Variants in MCM6 observed in about 807,000 individuals in gnomAD.
MCM6 encodes the protein DNA replication licensing factor MCM6.
In MCM6, 46 loss-of-function variants were observed where a neutral mutation model predicts 94.3. That is an observed-to-expected ratio of 0.49 (90% CI 0.39 to 0.62). MCM6 has a LOEUF of 0.62. Ranked by LOEUF, MCM6 falls within the 20% of genes least tolerant of loss-of-function variation. The pLI, the probability that MCM6 is intolerant of heterozygous loss-of-function variation, is 0.00. For synonymous variants in MCM6, 335 were observed against 351.9 expected (o/e 0.95, Z 0.54); for missense variants, 865 against 1,017.9 (o/e 0.85, Z 2.04).
chr2:135,866,013 G>C, intron 6 of MCM6, 119 bp downstream of exon 6: 1 of 1,130,050 alleles, frequency 8.8e-7, no homozygotes, highest in Non-Finnish European at 1.2e-6. Flanking sequence ...GAGATGGTAG[G>C]ATCACTTGAG....
At chr2:135,856,906 T>C (rs757926069) in intron 10 of MCM6, 23 bp from the exon 11 acceptor site, 1 of 1,599,622 alleles carries the variant, frequency 6.3e-7, no homozygotes, top group East Asian at 2.2e-5. Context: ...GAAAGAATCT[T>C]AACAGATTTA....
chr2:135,844,706 A>C (rs916882255), intron 15 of MCM6, 22 bp from the exon 16 acceptor site: 1 of 1,522,936 alleles, frequency 6.6e-7, no homozygotes, highest in Non-Finnish European at 8.8e-7. Flanking sequence ...AAACACATTC[A>C]AATTATCCTA....
At chr2:135,875,029 G>A (rs1426820882) in intron 1 of MCM6, among the ~76,000 whole-genome samples, 3 of 152,160 alleles carry the variant, frequency 2.0e-5, no homozygotes, top group Admixed American at 6.5e-5. Flanking sequence ...AGAGGGTAAC[G>A]GAGGAGAGTT....
intron 11 of MCM6, among the ~76,000 whole-genome samples, chr2:135,855,173 A>C (rs1174450544): frequency 6.6e-6 from 1 of 152,180 alleles, no homozygotes; most frequent in African/African-American, 2.4e-5. Context: ...AACAAAACTA[A>C]AGAAAACAGT....
At chr2:135,865,804 A>G (rs1680084303) in intron 6 of MCM6, among the ~76,000 whole-genome samples, 1 of 152,198 alleles carries the variant, frequency 6.6e-6, no homozygotes, top group South Asian at 2.1e-4. Context: ...CGTGCTCTCA[A>G]CATTGATGAG....
chr2:135,874,268 T>C (rs4988147), intron 1 of MCM6, among the ~76,000 whole-genome samples: 270 of 152,290 alleles, frequency 1.8e-3, no homozygotes, highest in Middle Eastern at 0.014. Flanking sequence ...CCAGACTAAG[T>C]AGCTAGGAGG....
chr2:135,858,351 G>A (rs1679929276), intron 9 of MCM6, among the ~76,000 whole-genome samples: 1 of 152,126 alleles, frequency 6.6e-6, no homozygotes, highest in East Asian at 1.9e-4. Context: ...GCCAGGTGTG[G>A]TGGTGTGCAC....
chr2:135,852,820 T>A lies in MCM6; in HGVS notation c.1722A>T (p.Arg574Ser). The change falls in exon 12 of 17, where the codon AGA (arginine) becomes AGT (serine). Residue 574 changes from arginine to serine, a missense_variant. Physicochemically the swap from Arg to Ser is moderately radical, Grantham distance 110 (BLOSUM62 -1). Transcript: ENST00000264156. ...DRVYSLDDIR[R>S]YLLFARQFKP... The stretch of plus-strand genomic sequence containing the variant: ...TAAACTGTCTTGCAAAGAGAAGATA[T>A]CTTCTGATATCATCGAGGGAATAGA... 6.2e-7 allele frequency: 1 copy of A among 1,606,650 alleles called. No homozygotes were observed. Among genetic ancestry groups the A allele is most frequent in the Non-Finnish European group, 8.5e-7 (1 of 1,177,112 alleles).
chr2:135,868,303 T>C (rs369501706), intron 4 of MCM6, among the ~76,000 whole-genome samples: 12 of 152,358 alleles, frequency 7.9e-5, no homozygotes, highest in Admixed American at 5.2e-4. Flanking sequence ...AACAAGTTGC[T>C]ATTTCTTTAA....
chr2:135,857,573 ACT>A lies in MCM6; in HGVS notation c.1470+322_1470+323del, dbSNP rs4988207. Among the ~76,000 whole-genome samples the A allele has an allele frequency of 3.8e-3, 585 of 152,194 alleles. 2 individuals are homozygous for A. Among genetic ancestry groups the A allele is most frequent in the Middle Eastern group, 0.017 (5 of 294 alleles). ...CTGTCATACTTATTTTCATTTAAAT[ACT>A]CTGTTAATATAAATAAATATATACA... On this transcript the variant is annotated intron_variant, in intron 10 of 16. Coordinates refer to ENST00000264156, the MANE Select transcript of MCM6 (RefSeq NM_005915.6).
Position 135,849,205 on chromosome 2 carries a change from A to ACC in MCM6, c.1918-1018_1918-1017insGG, listed in dbSNP as rs796714784. ...TAATTTCTCTGGCGAATGAAATGTG[A>ACC]GTATGTGTCATTTCTGGATAGAAGG... On this transcript the variant is annotated intron_variant, in intron 13 of 16. Transcript: ENST00000264156. Among the ~76,000 whole-genome samples the ACC allele has an allele frequency of 1.4e-4, 22 of 152,324 alleles. No individual in the cohort carries two copies. The East Asian group carries it at 4.3e-3, about 29-fold the overall frequency.
Position 135,870,341 on chromosome 2 carries a change from C to G in MCM6, c.275G>C (p.Arg92Pro). The G allele has an allele frequency of 1.2e-6, 2 of 1,613,500 alleles. No individual in the cohort carries two copies. Among genetic ancestry groups the G allele is most frequent in the East Asian group, 2.2e-5 (1 of 44,866 alleles). ...EFYRVYPYLC[R>P]ALKTFVKDRK... ...GTCTTTGACGAATGTTTTCAAGGCC[C>G]GACACAGGTAAGGGTAAACTCTGAA... The change falls in exon 3 of 17, where the codon CGG becomes CCG. Residue 92 changes from arginine to proline, a missense_variant. This residue lies in a region of MCM6 where 404 missense variants were observed against 451.9 expected (regional missense o/e 0.89). Transcript: ENST00000264156.
chr2:135,874,404 T>G (rs1449186087), intron 1 of MCM6, among the ~76,000 whole-genome samples: 2 of 152,196 alleles, frequency 1.3e-5, no homozygotes, highest in Non-Finnish European at 2.9e-5. Flanking sequence ...TTAGCTGGGC[T>G]TTGAAGGAGG....
chr2:135,849,906 T>C (rs763122371), intron 13 of MCM6, among the ~76,000 whole-genome samples: 8 of 152,186 alleles, frequency 5.3e-5, no homozygotes, highest in South Asian at 4.2e-4. Context: ...CAGAAATAGC[T>C]CTTAAATATA....
intron 11 of MCM6, among the ~76,000 whole-genome samples, chr2:135,854,019 G>A (rs572877704): frequency 1.3e-5 from 2 of 152,276 alleles, no homozygotes; most frequent in East Asian, 3.9e-4. Flanking sequence ...TTGAGCTCAG[G>A]AGTTCAAGAC....
rs1396347124 is a variant in MCM6, at chr2:135,848,204, T to A, written c.1918-16A>T. 2 of 1,585,580 alleles carry A rather than the reference T, an allele frequency of 1.3e-6. No individual in the cohort carries two copies. Among genetic ancestry groups the A allele is most frequent in the Non-Finnish European group, 1.7e-6 (2 of 1,157,352 alleles). On this transcript the variant is annotated splice_polypyrimidine_tract_variant and intron_variant, in intron 13 of 16. Coordinates refer to ENST00000264156, the MANE Select transcript of MCM6 (RefSeq NM_005915.6). The stretch of plus-strand genomic sequence containing the variant: ...TAGGTTGGACCTAAACCAATAATGA[T>A]GAAGTAATTAAGCTACTTTTTTTGA...
intron 4 of MCM6, among the ~76,000 whole-genome samples, 167 bp downstream of exon 4, chr2:135,868,444 A>G (rs376656782): frequency 1.5e-4 from 23 of 152,234 alleles, no homozygotes; most frequent in African/African-American, 5.5e-4. Flanking sequence ...TATACTAACA[A>G]TTATAATTTA....
intron 6 of MCM6, among the ~76,000 whole-genome samples, chr2:135,865,697 C>T (rs1575366290): frequency 6.6e-6 from 1 of 152,040 alleles, no homozygotes; most frequent in South Asian, 2.1e-4. Flanking sequence ...AAGCATTGAG[C>T]TTTTATGTAA....
intron 3 of MCM6, among the ~76,000 whole-genome samples, chr2:135,869,830 A>C (rs1461696850): frequency 6.6e-6 from 1 of 152,114 alleles, no homozygotes; most frequent in Admixed American, 6.5e-5. Context: ...CTCCCTTTAC[A>C]TCTAATCCCA....
Sources: allele counts gnomAD v4.1 joint callset (sites outside exome capture counted in the v4.1 genomes callset), GRCh38; gene constraint gnomAD v4.1.1; regional missense constraint gnomAD v4.1.1; transcripts MANE v1.5; gene names NCBI Gene and HGNC (gene_info 2026-07-23, HGNC 2026-07-21).